Variants in HSPA12A observed in about 807,000 individuals in gnomAD.
The protein encoded by HSPA12A is heat shock 70 kDa protein 12A.
HSPA12A carries 28 observed loss-of-function variants against 69.2 expected under a neutral mutation model. That is an observed-to-expected ratio of 0.40 (90% CI 0.30 to 0.55). The LOEUF (loss-of-function observed/expected upper bound fraction) is 0.55. HSPA12A is among the 20% of genes least tolerant of loss of function. The probability of loss-of-function intolerance (pLI) is 0.38; values close to 1 mark genes in which losing one functional copy is unlikely to be tolerated. For missense variants in HSPA12A, 686 were observed against 900.7 expected (o/e 0.76, Z 3.05); for synonymous variants, 345 against 370.5 (o/e 0.93, Z 0.79).
intron 9 of HSPA12A, among the ~76,000 whole-genome samples, chr10:116,680,090 A>C (rs2133363483): frequency 6.6e-6 from 1 of 152,198 alleles, no homozygotes; most frequent in African/African-American, 2.4e-5. Flanking sequence ...TCCTGGGTTG[A>C]AGTGATTCTC....
At chr10:116,824,677 C>T (rs1845467553) in intron 2 of HSPA12A, among the ~76,000 whole-genome samples, 1 of 152,208 alleles carries the variant, frequency 6.6e-6, no homozygotes, top group Non-Finnish European at 1.5e-5. Context: ...CTCTGTCACC[C>T]AGGCTGGAGT....
chr10:116,766,974 G>A (rs1399030013), intron 2 of HSPA12A, among the ~76,000 whole-genome samples: 2 of 152,214 alleles, frequency 1.3e-5, no homozygotes, highest in Non-Finnish European at 2.9e-5. Context: ...TCGCGGAGGG[G>A]AAGTGGAGAC....
intron 1 of HSPA12A, among the ~76,000 whole-genome samples, chr10:116,839,325 C>A (rs1319444783): frequency 6.6e-6 from 1 of 152,268 alleles, no homozygotes; most frequent in East Asian, 1.9e-4. Flanking sequence ...AGACTTCGCT[C>A]CCCTCCCCCA....
At position 116,674,557 on chromosome 10, in the gene HSPA12A, C is replaced by G. The variant is rs898504611; in HGVS notation, c.*224G>C. ...TGAAAACTAGCTGCTCCTCCAGGATCCTTTAATTTTCTATGCCTAAACCTT... is the reference window on the plus strand; with the variant it reads ...TGAAAACTAGCTGCTCCTCCAGGATGCTTTAATTTTCTATGCCTAAACCTT... On this transcript the variant is annotated 3_prime_UTR_variant, in exon 12 of 12. Coordinates refer to ENST00000369209, the MANE Select transcript of HSPA12A (RefSeq NM_025015.3). 5 of 576,368 alleles carry G rather than the reference C, an allele frequency of 8.7e-6. No individual in the cohort carries two copies. Among genetic ancestry groups the G allele is most frequent in the Admixed American group, 3.1e-5 (1 of 32,694 alleles). 35.7% of individuals were successfully genotyped at this position (576,368 alleles called of 1,614,324 possible). A position where few individuals can be genotyped will look rare whatever the true frequency, so the allele number is the denominator to read the frequency against.
intron 2 of HSPA12A, among the ~76,000 whole-genome samples, chr10:116,777,531 C>A (rs1255417281): frequency 2.0e-5 from 3 of 152,188 alleles, no homozygotes; most frequent in African/African-American, 7.2e-5. Flanking sequence ...CCAGACCAGA[C>A]AGGGACATGT....
chr10:116,821,264 G>A (rs545413086), intron 2 of HSPA12A, among the ~76,000 whole-genome samples: 6 of 152,270 alleles, frequency 3.9e-5, no homozygotes, highest in African/African-American at 9.6e-5. Context: ...AAGGCCCTAC[G>A]TGGCCTCATC....
chr10:116,689,072 C>T (rs76828593), intron 6 of HSPA12A, among the ~76,000 whole-genome samples: 7,285 of 152,224 alleles, frequency 0.048, 264 homozygotes, highest in South Asian at 0.12. Flanking sequence ...ACCGATGAAA[C>T]TGCATCTGTG....
intron 2 of HSPA12A, among the ~76,000 whole-genome samples, chr10:116,766,812 AAC>A (rs1386456419): frequency 1.3e-5 from 2 of 152,200 alleles, no homozygotes; most frequent in Admixed American, 1.3e-4. Context: ...TTTAATAACT[AAC>A]AATTTTGTTG....
At position 116,701,141 on chromosome 10, in the gene HSPA12A, G is replaced by C. The variant is rs782580477; in HGVS notation, c.255-12C>G. ...CTCCCTCCCATCGCCTGCCACCAAG[G>C]GAAGCAGAAGTTATGGGGCCTTCTT... On this transcript the variant is annotated splice_polypyrimidine_tract_variant and intron_variant, in intron 3 of 11. Coordinates refer to ENST00000369209, the MANE Select transcript of HSPA12A (RefSeq NM_025015.3). 6.2e-7 allele frequency: 1 copy of C among 1,612,430 alleles called. No homozygotes were observed. The highest frequency in any genetic ancestry group is 1.1e-5 in the South Asian group (1 of 90,950).
intron 2 of HSPA12A, among the ~76,000 whole-genome samples, chr10:116,753,862 G>A (rs369623003): frequency 6.6e-6 from 1 of 152,280 alleles, no homozygotes; most frequent in East Asian, 1.9e-4. Context: ...GGAGCTCCTC[G>A]GTAGAGAAGG....
rs1172873516 is a variant in HSPA12A, at chr10:116,723,930, T to C, written c.41-16645A>G. On this transcript the variant is annotated intron_variant, in intron 1 of 11. Coordinates refer to ENST00000369209, the MANE Select transcript of HSPA12A (RefSeq NM_025015.3). The surrounding 1 kb of genome is among the most constrained non-coding windows in gnomAD (Gnocchi z 4.1). ...GTAGCTGAGGCCAGCGGGTCACCTG[T>C]ACCCAGGCATAGACAGCACTCTGCT... 2.0e-5 allele frequency among the ~76,000 whole-genome samples: 3 copies of C among 152,202 alleles called. No individual in the cohort carries two copies. Among genetic ancestry groups the C allele is most frequent in the African/African-American group, 4.8e-5 (2 of 41,456 alleles).
intron 1 of HSPA12A, chr10:116,835,078 G>T: frequency 8.9e-7 from 1 of 1,122,568 alleles, no homozygotes; most frequent in Non-Finnish European, 1.1e-6. Context: ...TTTCCATGTT[G>T]CTCTTAAGTC....
intron 1 of HSPA12A, 77 bp downstream of exon 1, chr10:116,742,353 C>A (rs887196): frequency 7.4e-7 from 1 of 1,349,002 alleles, no homozygotes; most frequent in Admixed American, 3.2e-5. Flanking sequence ...CGAGGGGGTG[C>A]GGAGCGTTGG....
intron 2 of HSPA12A, among the ~76,000 whole-genome samples, chr10:116,779,593 C>A (rs1844418243): frequency 6.6e-6 from 1 of 152,170 alleles, no homozygotes; most frequent in African/African-American, 2.4e-5. Context: ...CTCTGTCAGC[C>A]CCAGGCCCGA....
At chr10:116,828,640 C>T (rs746129700) in intron 2 of HSPA12A, 3 of 152,184 alleles carry the variant, frequency 2.0e-5, no homozygotes, top group Non-Finnish European at 4.4e-5. Context: ...CAGGACCCCT[C>T]GTTCAAGGTA....
chr10:116,822,870 G>T (rs1160311546), intron 2 of HSPA12A, among the ~76,000 whole-genome samples: 1 of 152,186 alleles, frequency 6.6e-6, no homozygotes, highest in Non-Finnish European at 1.5e-5. Context: ...AATATGCAAT[G>T]GAAAGGGAAA....
chr10:116,803,242 C>T (rs1465490184), intron 2 of HSPA12A, among the ~76,000 whole-genome samples: 3 of 152,176 alleles, frequency 2.0e-5, no homozygotes, highest in Admixed American at 1.3e-4. Flanking sequence ...GGAGAGAATT[C>T]GGGAAGATGC....
intron 2 of HSPA12A, among the ~76,000 whole-genome samples, chr10:116,826,126 T>C (rs1358509750): frequency 6.6e-6 from 1 of 152,004 alleles, no homozygotes; most frequent in East Asian, 1.9e-4. Context: ...CAATAACTCC[T>C]ATGCACCTTC....
chr10:116,753,638 T>C (rs767662577), intron 2 of HSPA12A, among the ~76,000 whole-genome samples: 8 of 151,948 alleles, frequency 5.3e-5, no homozygotes, highest in Admixed American at 1.3e-4. Context: ...CATCTGTGAA[T>C]GGGAATAATT....
Sources: gnomAD v4.1 joint callset for allele counts (sites outside exome capture counted in the v4.1 genomes callset) on GRCh38, gnomAD v4.1.1 for gene constraint, Gnocchi (gnomAD v3.1) non-coding constraint, MANE v1.5 for transcripts, NCBI Gene and HGNC (gene_info 2026-07-23, HGNC 2026-07-21) for gene names.